Variants in MGAT5 observed in about 807,000 individuals in gnomAD.
The protein encoded by MGAT5 is alpha-1,6-mannosylglycoprotein 6-beta-N-acetylglucosaminyltransferase A.
Under a neutral mutation model 94.3 loss-of-function variants are expected in MGAT5, and 30 were observed. The observed-to-expected ratio is 0.32, with a 90% confidence interval of 0.24 to 0.43. MGAT5 has a LOEUF of 0.43. Among genes scored for constraint, MGAT5 ranks in the 20% least tolerant of loss-of-function variants. MGAT5 has a pLI of 1.00. For missense variants in MGAT5, 691 were observed against 905.5 expected, an observed-to-expected ratio of 0.76 and a Z score of 3.04; for synonymous variants, 310 against 322.9, an observed-to-expected ratio of 0.96 and a Z score of 0.43.
At chr2:134,133,596 A>G (rs1247006869) in intron 1 of MGAT5, among the ~76,000 whole-genome samples, 2 of 152,360 alleles carry the variant, frequency 1.3e-5, no homozygotes, top group East Asian at 3.9e-4. Context: ...TGACATTAGA[A>G]TAGGTTATCC....
In MGAT5 at chr2:134,166,160, G is replaced by C. The variant is rs144759269; in HGVS notation, c.-143+45869G>C. Among the ~76,000 whole-genome samples the C allele has an allele frequency of 2.8e-3, 420 of 152,256 alleles. 2 individuals are homozygous for C. Among genetic ancestry groups the C allele is most frequent in the South Asian group, 5.0e-3 (24 of 4,812 alleles). On this transcript the variant is annotated intron_variant, in intron 1 of 16. Transcript: ENST00000409645. ...GATGAGGGAGACTGTCTTTTCACAC[G>C]TATTGAGCCAGGAGTGCTGAGATGA... is the stretch of plus-strand genomic sequence containing the variant.
intron 1 of MGAT5, among the ~76,000 whole-genome samples, chr2:134,219,356 C>T (rs1383514274): frequency 1.3e-5 from 2 of 151,732 alleles, no homozygotes; most frequent in Non-Finnish European, 2.9e-5. Context: ...CCCACCTGGG[C>T]CAGGTGGGAA....
chr2:134,246,167 TAAAAAAAAAA>T (rs11378452), intron 1 of MGAT5, among the ~76,000 whole-genome samples: 7 of 130,530 alleles, frequency 5.4e-5, no homozygotes, highest in African/African-American at 2.8e-5. Flanking sequence ...TTCCTGTTTA[TAAAAAAAAAA>T]AAAAAAAAAA....
chr2:134,208,067 G>A (rs546880137), intron 1 of MGAT5, among the ~76,000 whole-genome samples: 66 of 152,184 alleles, frequency 4.3e-4, no homozygotes, highest in South Asian at 1.2e-3. Flanking sequence ...GCCTGCCTAG[G>A]GATGATAAGT....
chr2:134,299,404 G>A (rs1685884438), intron 2 of MGAT5, among the ~76,000 whole-genome samples: 1 of 152,194 alleles, frequency 6.6e-6, no homozygotes. Context: ...CTCTTGTGAA[G>A]TTTCACAGAT....
intron 1 of MGAT5, among the ~76,000 whole-genome samples, chr2:134,242,448 A>T (rs1682023671): frequency 6.6e-6 from 1 of 152,150 alleles, no homozygotes; most frequent in Non-Finnish European, 1.5e-5. Flanking sequence ...GCTTATTCAA[A>T]AGTAATATAA....
chr2:134,213,648 T>C (rs1036484713), intron 1 of MGAT5, among the ~76,000 whole-genome samples: 1 of 152,222 alleles, frequency 6.6e-6, no homozygotes, highest in Non-Finnish European at 1.5e-5. Context: ...CAACCCCCTC[T>C]TCAATTTGAT....
At chr2:134,431,621 G>A (rs920923852) in intron 14 of MGAT5, among the ~76,000 whole-genome samples, 6 of 152,178 alleles carry the variant, frequency 3.9e-5, no homozygotes, top group African/African-American at 1.2e-4. Context: ...CTGCAGCTCC[G>A]AGGAGGCCCT....
chr2:134,296,875 A>G (rs1428240810), intron 2 of MGAT5, among the ~76,000 whole-genome samples: 2 of 152,300 alleles, frequency 1.3e-5, no homozygotes, highest in Middle Eastern at 3.4e-3. Flanking sequence ...TGACATGGAA[A>G]AATTCCTAGA....
intron 1 of MGAT5, among the ~76,000 whole-genome samples, chr2:134,158,847 G>C (rs1320108957): frequency 6.6e-6 from 1 of 152,036 alleles, no homozygotes; most frequent in African/African-American, 2.4e-5. Context: ...CCCTTTATCT[G>C]CCCTTCACTG....
intron 2 of MGAT5, among the ~76,000 whole-genome samples, chr2:134,312,586 T>C (rs566592742): frequency 6.6e-6 from 1 of 152,284 alleles, no homozygotes; most frequent in Non-Finnish European, 1.5e-5. Flanking sequence ...GGGTCTCCAG[T>C]GTGCTGGGCA....
chr2:134,352,944 G>A (rs140086305), intron 9 of MGAT5, among the ~76,000 whole-genome samples: 92 of 152,250 alleles, frequency 6.0e-4, no homozygotes, highest in African/African-American at 2.1e-3. Flanking sequence ...AGCGAAATAA[G>A]CTAGTCACAA....
chr2:134,218,109 T>G (rs1348554354), intron 1 of MGAT5, among the ~76,000 whole-genome samples: 1 of 151,948 alleles, frequency 6.6e-6, no homozygotes, highest in African/African-American at 2.4e-5. Context: ...GTCACAGTGG[T>G]ATAGATGAGG....
At chr2:134,130,947 A>G (rs1312485730) in intron 1 of MGAT5, among the ~76,000 whole-genome samples, 1 of 152,254 alleles carries the variant, frequency 6.6e-6, no homozygotes, top group Admixed American at 6.5e-5. Context: ...GCCAATCAGC[A>G]GGATGTGGGT....
At chr2:134,285,426 T>C (rs879883937) in intron 2 of MGAT5, among the ~76,000 whole-genome samples, 8 of 152,170 alleles carry the variant, frequency 5.3e-5, no homozygotes, top group Non-Finnish European at 1.0e-4. Context: ...ACTACAAAGA[T>C]CATTGTGGTG....
chr2:134,243,333 G>C (rs191892280), intron 1 of MGAT5, among the ~76,000 whole-genome samples: 2 of 152,224 alleles, frequency 1.3e-5, no homozygotes, highest in African/African-American at 4.8e-5. Context: ...TCAGTCCTAA[G>C]CTCTGAGGGC....
intron 2 of MGAT5, among the ~76,000 whole-genome samples, chr2:134,302,224 G>A (rs1461949925): frequency 6.6e-6 from 1 of 152,094 alleles, no homozygotes; most frequent in East Asian, 1.9e-4. Context: ...TTTGGCTTAA[G>A]GGCTTTAGTT....
intron 7 of MGAT5, among the ~76,000 whole-genome samples, chr2:134,343,918 C>T (rs1227977116): frequency 6.6e-6 from 1 of 151,150 alleles, no homozygotes; most frequent in Non-Finnish European, 1.5e-5. Context: ...CTGTCTGGCC[C>T]TTAACAGAAA....
At chr2:134,184,862 G>A (rs1006745739) in intron 1 of MGAT5, among the ~76,000 whole-genome samples, 4 of 152,244 alleles carry the variant, frequency 2.6e-5, no homozygotes, top group South Asian at 4.1e-4. Context: ...TGGCCAGAGC[G>A]GGGACATTTC....
Sources: allele counts gnomAD v4.1 joint callset (sites outside exome capture counted in the v4.1 genomes callset), GRCh38; gene constraint gnomAD v4.1.1; transcripts MANE v1.5; gene names NCBI Gene and HGNC (gene_info 2026-07-23, HGNC 2026-07-21).